The following BCKDHB variants were observed in gnomAD, a reference collection of about 807,000 sequenced individuals.
The protein encoded by BCKDHB is branched chain keto acid dehydrogenase E1 subunit beta, also known as 2-oxoisovalerate dehydrogenase subunit beta, mitochondrial.
In BCKDHB, 41 loss-of-function variants were observed where a neutral mutation model predicts 48.5. The observed-to-expected ratio is 0.85, with a 90% CI of 0.66 to 1.10. The LOEUF (loss-of-function observed/expected upper bound fraction) is 1.10. Among genes scored for constraint, BCKDHB ranks in the 50% least tolerant of loss-of-function variants. The probability of loss-of-function intolerance (pLI) is 0.00; values close to 1 mark genes in which losing one functional copy is unlikely to be tolerated. For synonymous variants in BCKDHB, 201 were observed against 174.8 expected, an observed-to-expected ratio of 1.15 and a Z score of -1.18; for missense variants, 496 against 494.2, an observed-to-expected ratio of 1.00 and a Z score of -0.03.
At chr6:80,205,576 A>G (rs560476071) in intron 8 of BCKDHB, among the ~76,000 whole-genome samples, 2 of 152,184 alleles carry the variant, frequency 1.3e-5, no homozygotes, top group East Asian at 3.9e-4. Context: ...CAAAATAAAT[A>G]TTTGCTCGGG....
chr6:80,265,031 A>C (rs945297305), intron 8 of BCKDHB, among the ~76,000 whole-genome samples: 2 of 152,092 alleles, frequency 1.3e-5, no homozygotes, highest in Non-Finnish European at 2.9e-5. Context: ...TCCCATTGGG[A>C]TGGCTACTGT....
At chr6:80,140,297 C>T (rs1036732888) in intron 3 of BCKDHB, among the ~76,000 whole-genome samples, 1 of 152,120 alleles carries the variant, frequency 6.6e-6, no homozygotes, top group African/African-American at 2.4e-5. Flanking sequence ...CCTTTTATTT[C>T]CTTCTCCTGC....
At chr6:80,368,874 G>A in the BCKDHB span, among the ~76,000 whole-genome samples, 5,401 of 152,020 alleles carry the variant, frequency 0.036, 350 homozygotes, top group African/African-American at 0.12. Flanking sequence ...TTAGCCAGGC[G>A]TGGTGGCTCG....
intron 9 of BCKDHB, among the ~76,000 whole-genome samples, chr6:80,300,093 C>T (rs1391762749): frequency 1.3e-5 from 2 of 151,930 alleles, no homozygotes; most frequent in Non-Finnish European, 2.9e-5. Flanking sequence ...TTCCCACTGC[C>T]CAGACTGGAG....
downstream of BCKDHB, among the ~76,000 whole-genome samples, chr6:80,350,391 G>A (rs964454821): frequency 1.4e-5 from 2 of 139,404 alleles, no homozygotes; most frequent in African/African-American, 6.0e-5. Context: ...AAAAATAGTG[G>A]GTTTTTTTTT....
the BCKDHB span, among the ~76,000 whole-genome samples, chr6:80,370,795 C>A: frequency 1.1e-5 from 1 of 87,774 alleles, no homozygotes; most frequent in African/African-American, 4.8e-5. Flanking sequence ...GTATATATAG[C>A]GTGTGTGTGT....
chr6:80,422,006 A>T, the BCKDHB span, among the ~76,000 whole-genome samples: 2 of 152,196 alleles, frequency 1.3e-5, no homozygotes, highest in Admixed American at 1.3e-4. Context: ...AGCCAAGATC[A>T]TGAGAAAAAT....
chr6:80,427,955 A>G, the BCKDHB span, among the ~76,000 whole-genome samples: 1 of 151,946 alleles, frequency 6.6e-6, no homozygotes, highest in African/African-American at 2.4e-5. Flanking sequence ...ATAGGTATAC[A>G]CGTGCCAGGG....
chr6:80,400,651 G>T, the BCKDHB span, among the ~76,000 whole-genome samples: 1 of 151,890 alleles, frequency 6.6e-6, no homozygotes, highest in South Asian at 2.1e-4. Flanking sequence ...ATTGTGGAAA[G>T]CAGTTTGGCA....
At chr6:80,157,260 G>A (rs1411304766) in intron 3 of BCKDHB, among the ~76,000 whole-genome samples, 2 of 151,890 alleles carry the variant, frequency 1.3e-5, no homozygotes, top group Non-Finnish European at 2.9e-5. Context: ...ATAATCCACT[G>A]ATCTGTGTGT....
intron 6 of BCKDHB, among the ~76,000 whole-genome samples, chr6:80,184,403 A>G (rs924977166): frequency 5.3e-5 from 8 of 152,108 alleles, no homozygotes; most frequent in Admixed American, 2.0e-4. Flanking sequence ...TTTATTCTGT[A>G]TCTCTTAAGT....
chr6:80,324,484 G>A (rs1227730614), intron 9 of BCKDHB, among the ~76,000 whole-genome samples: 1 of 152,006 alleles, frequency 6.6e-6, no homozygotes, highest in Non-Finnish European at 1.5e-5. Flanking sequence ...AGATGGGACT[G>A]TAACTTAAGG....
intron 8 of BCKDHB, among the ~76,000 whole-genome samples, chr6:80,235,271 T>C (rs1230808300): frequency 1.3e-5 from 2 of 152,210 alleles, no homozygotes; most frequent in Non-Finnish European, 2.9e-5. Context: ...ATGTGCCCCA[T>C]AAATATGTAC....
the BCKDHB span, among the ~76,000 whole-genome samples, chr6:80,395,267 C>T: frequency 6.6e-6 from 1 of 152,222 alleles, no homozygotes; most frequent in South Asian, 2.1e-4. Context: ...AAGTTTGGAG[C>T]TTCCTAAAGA....
chr6:80,285,715 G>A (rs972620071), intron 9 of BCKDHB, among the ~76,000 whole-genome samples: 15 of 152,030 alleles, frequency 9.9e-5, no homozygotes, highest in African/African-American at 3.6e-4. Context: ...CATTATTTTG[G>A]GTAGTTTGTG....
chr6:80,348,813 A>G (rs1435664055), downstream of BCKDHB, among the ~76,000 whole-genome samples: 1 of 152,180 alleles, frequency 6.6e-6, no homozygotes, highest in Non-Finnish European at 1.5e-5. Flanking sequence ...ATCCTGATAT[A>G]CTTTAAACTT....
At chr6:80,338,913 C>T (rs886228180) in intron 9 of BCKDHB, among the ~76,000 whole-genome samples, 3 of 151,930 alleles carry the variant, frequency 2.0e-5, no homozygotes, top group Middle Eastern at 3.2e-3. Flanking sequence ...CAGTATAAAC[C>T]TCGGGGAGGT....
At chr6:80,238,521 T>C (rs1364017050) in intron 8 of BCKDHB, among the ~76,000 whole-genome samples, 1 of 152,212 alleles carries the variant, frequency 6.6e-6, no homozygotes, top group Non-Finnish European at 1.5e-5. Flanking sequence ...CAGAGTAGGC[T>C]CAGAGACTCT....
At chr6:80,172,363 T>C (rs1772959097) in intron 6 of BCKDHB, among the ~76,000 whole-genome samples, 1 of 152,072 alleles carries the variant, frequency 6.6e-6, no homozygotes, top group Admixed American at 6.6e-5. Context: ...TACAATAATA[T>C]CTTACAACTG....
Sources: allele counts gnomAD v4.1 joint callset (sites outside exome capture counted in the v4.1 genomes callset), GRCh38; gene constraint gnomAD v4.1.1; transcripts MANE v1.5; gene names NCBI Gene and HGNC (gene_info 2026-07-23, HGNC 2026-07-21).